RUFY4: variants seen among roughly 807,000 people sequenced by gnomAD.
RUFY4 encodes the protein RUN and FYVE domain containing 4, also known as RUN and FYVE domain-containing protein 4.
In RUFY4, 73 loss-of-function variants were observed where a neutral mutation model predicts 69.0. The observed-to-expected ratio is 1.06, with a 90% CI of 0.88 to 1.29. RUFY4 has a LOEUF of 1.29. Among genes scored for constraint, RUFY4 ranks in the 50% most tolerant of loss-of-function variants. The pLI is 0.00. For missense variants in RUFY4, 770 were observed against 705.6 expected, an observed-to-expected ratio of 1.09 and a Z score of -1.03; for synonymous variants, 287 against 271.8, an observed-to-expected ratio of 1.06 and a Z score of -0.55.
chr2:218,072,660 G>A, intron 3 of RUFY4, 119 bp from the exon 6 acceptor site: 1 of 1,297,958 alleles, frequency 7.7e-7, no homozygotes. Flanking sequence ...TTCCTCCCAT[G>A]GCCTCAGGTC....
intron 2 of RUFY4, among the ~76,000 whole-genome samples, chr2:218,046,268 T>C (rs1257983367): frequency 6.6e-6 from 1 of 152,066 alleles, no homozygotes; most frequent in Non-Finnish European, 1.5e-5. Flanking sequence ...CATTGGACAG[T>C]GCTAGAGACA....
chr2:218,073,922 C>T (rs765425384), intron 6 of RUFY4, 37 bp downstream of exon 8: 4 of 1,600,128 alleles, frequency 2.5e-6, no homozygotes, highest in South Asian at 1.1e-5. Flanking sequence ...GTTGCCTCTT[C>T]CCCATCTCCT....
In RUFY4 at chr2:218,073,123, C is replaced by T. The variant is rs1025018364; in HGVS notation, c.387-120C>T. ...GGCCACAACTCTGCCTGGGGAACAG[C>T]CTCATGACGGTGTGTAGTGGAGGCT... On this transcript the variant is annotated intron_variant, in intron 4 of 10. Transcript: ENST00000344321. 3.8e-6 allele frequency: 5 copies of T among 1,312,018 alleles called. No homozygotes were observed. The East Asian group carries it at 1.3e-4, about 33-fold the overall frequency. The allele number at this position is 1,312,018 out of a possible 1,614,324, so 81.3% of individuals were successfully genotyped here.
At chr2:218,055,193 G>A (rs1689034568) in intron 2 of RUFY4, among the ~76,000 whole-genome samples, 1 of 152,074 alleles carries the variant, frequency 6.6e-6, no homozygotes, top group Admixed American at 6.5e-5. Flanking sequence ...TCAGGAGTTC[G>A]AGATCAGCCT....
At chr2:218,060,810 G>A (rs771914749) in intron 3 of RUFY4, 2 of 1,587,914 alleles carry the variant, frequency 1.3e-6, no homozygotes, top group Admixed American at 1.7e-5. Flanking sequence ...CCAGTTTGCT[G>A]TATTGTTGCC....
At chr2:218,064,208 G>A (rs1689267655) in intron 3 of RUFY4, among the ~76,000 whole-genome samples, 1 of 152,186 alleles carries the variant, frequency 6.6e-6, no homozygotes, top group Non-Finnish European at 1.5e-5. Flanking sequence ...GGGAAGCAGA[G>A]CCAGAAGGGC....
At chr2:218,072,907 C>T in intron 4 of RUFY4, 22 bp downstream of exon 6, 1 of 1,489,834 alleles carries the variant, frequency 6.7e-7, no homozygotes, top group Non-Finnish European at 8.9e-7. Context: ...GGGACATCCT[C>T]CTGCCGATGC....
intron 6 of RUFY4, among the ~76,000 whole-genome samples, chr2:218,074,667 G>T (rs1689580455): frequency 1.3e-5 from 2 of 152,182 alleles, no homozygotes; most frequent in Non-Finnish European, 2.9e-5. Context: ...TCTTAGCTGA[G>T]TGTCGGTCTA....
rs1689997984 is a variant in RUFY4, at chr2:218,090,106, C to T, written c.*52C>T. On this transcript the variant is annotated 3_prime_UTR_variant, in exon 11 of 11. Transcript: ENST00000344321. ...GCCTCCCACCTGCCTGCCCATCCCA[C>T]TCAATCCACTCCCTGCCCGTAGCTC... 4 of 1,109,080 alleles carry T rather than the reference C, an allele frequency of 3.6e-6. 1 individual carries two copies. In the South Asian group the frequency reaches 5.3e-5, roughly 15 times the overall value. The allele number at this position is 1,109,080 out of a possible 1,614,324, so 68.7% of individuals were successfully genotyped here. A position where few individuals can be genotyped will look rare whatever the true frequency, so the allele number is the denominator to read the frequency against.
chr2:218,038,636 G>T (rs1242485639), intron 2 of RUFY4, among the ~76,000 whole-genome samples: 1 of 152,224 alleles, frequency 6.6e-6, no homozygotes, highest in Non-Finnish European at 1.5e-5. Flanking sequence ...TCAGCGGCTA[G>T]TAACAAAAAT....
intron 9 of RUFY4, among the ~76,000 whole-genome samples, chr2:218,083,463 G>T (rs1460945589): frequency 6.6e-6 from 1 of 152,090 alleles, no homozygotes; most frequent in Non-Finnish European, 1.5e-5. Flanking sequence ...AAATAAGGCA[G>T]ACTTGGCCAG....
At chr2:218,072,984 AAGGAC>A (rs1426039753) in intron 4 of RUFY4, 99 bp downstream of exon 6, 1 of 1,062,922 alleles carries the variant, frequency 9.4e-7, no homozygotes, top group African/African-American at 1.6e-5. Flanking sequence ...GCTTTCTATC[AAGGAC>A]AGTTACAATG....
chr2:218,060,666 G>T (rs1419866156), intron 3 of RUFY4: 2 of 1,334,462 alleles, frequency 1.5e-6, no homozygotes, highest in East Asian at 2.3e-5. Context: ...CAGCAAAGAT[G>T]ACCCACATGG....
intron 2 of RUFY4, among the ~76,000 whole-genome samples, chr2:218,057,648 A>G (rs934051559): frequency 3.9e-5 from 6 of 152,218 alleles, no homozygotes; most frequent in African/African-American, 7.2e-5. Flanking sequence ...GGTTACTTCT[A>G]TCACCCCAAA....
chr2:218,061,154 G>A (rs1475763065), intron 3 of RUFY4: 1 of 445,868 alleles, frequency 2.2e-6, no homozygotes, highest in Non-Finnish European at 4.5e-6. Flanking sequence ...CAAGGCCAGG[G>A]TCAGCAGGTA....
exon 11 of RUFY4, chr2:218,090,332 C>T: frequency 3.1e-6 from 1 of 323,016 alleles, no homozygotes; most frequent in Admixed American, 3.8e-5. Context: ...CTCTAAAGTC[C>T]CTCTGGGCTC....
At chr2:218,036,312 AAAGGAGGCTCTGCATCCTCCTTTGTGT>A (rs1196009585) in intron 2 of RUFY4, among the ~76,000 whole-genome samples, 1 of 152,070 alleles carries the variant, frequency 6.6e-6, no homozygotes, top group Admixed American at 6.5e-5. Flanking sequence ...GACTTTACAC[AAAGGAGGCTCTGCATCCTCCTTTGTGT>A]AAGGAGAGAG....
rs1015656574 is a variant in RUFY4, at chr2:218,073,117, G to A, written c.387-126G>A. 3.2e-5 allele frequency: 40 copies of A among 1,253,006 alleles called. No individual in the cohort carries two copies. The Admixed American group carries it at 9.5e-4, about 30-fold the overall frequency. 77.6% of individuals were successfully genotyped at this position (1,253,006 alleles called of 1,614,324 possible). Reference sequence around the variant, plus strand: ...CTGAAGGGCCACAACTCTGCCTGGGGAACAGCCTCATGACGGTGTGTAGTG... The same window carrying A: ...CTGAAGGGCCACAACTCTGCCTGGGAAACAGCCTCATGACGGTGTGTAGTG... On this transcript the variant is annotated intron_variant, in intron 4 of 10. Transcript: ENST00000344321.
At position 218,060,860 on chromosome 2, in the gene RUFY4, G is replaced by A. The variant is rs143243596; in HGVS notation, c.-1071+2179G>A. Reference sequence around the variant, plus strand: ...AGACTGGGCTAACATTGGATGGGTAGAAGGTCCTTCGGAAAAGCAAGATGC... The same window carrying A: ...AGACTGGGCTAACATTGGATGGGTAAAAGGTCCTTCGGAAAAGCAAGATGC... On this transcript the variant is annotated intron_variant and NMD_transcript_variant, in intron 3 of 13. Coordinates refer to the RUFY4 transcript ENST00000457754. 1,845 of 1,482,296 alleles carry A rather than the reference G, an allele frequency of 1.2e-3. 17 individuals carry two copies. In the African/African-American group the frequency reaches 0.022, roughly 18 times the overall value. The allele number at this position is 1,482,296 out of a possible 1,614,324, so 91.8% of individuals were successfully genotyped here.
Sources: allele counts gnomAD v4.1 joint callset (sites outside exome capture counted in the v4.1 genomes callset), GRCh38; gene constraint gnomAD v4.1.1; transcripts MANE v1.5; gene names NCBI Gene and HGNC (gene_info 2026-07-23, HGNC 2026-07-21).